DOCK1: variants seen among roughly 807,000 people sequenced by gnomAD.
The protein encoded by DOCK1 is dedicator of cytokinesis protein 1.
In DOCK1, 138 loss-of-function variants were observed where a neutral mutation model predicts 262.7. The observed-to-expected ratio is 0.53, with a 90% CI of 0.46 to 0.61. DOCK1 has a LOEUF of 0.61. Ranked by LOEUF, DOCK1 falls within the 20% of genes least tolerant of loss-of-function variation. DOCK1 has a pLI of 0.00. For synonymous variants in DOCK1, 866 were observed against 867.4 expected, an observed-to-expected ratio of 1.00 and a Z score of 0.03; for missense variants, 1,908 against 2,370.7, an observed-to-expected ratio of 0.80 and a Z score of 4.05.
chr10:127,125,363 G>C, intron 25 of DOCK1, 111 bp from the exon 26 acceptor site: 2 of 1,477,248 alleles, frequency 1.4e-6, no homozygotes, highest in Non-Finnish European at 1.8e-6. Flanking sequence ...TCAGTTCCAC[G>C]TGTTGCACAA....
At chr10:127,264,410 T>C (rs2060281937) in intron 29 of DOCK1, among the ~76,000 whole-genome samples, 2 of 152,328 alleles carry the variant, frequency 1.3e-5, no homozygotes, top group East Asian at 3.9e-4. Context: ...CTACGGGAAA[T>C]AATGATTAGT....
At chr10:127,137,449 T>TA (rs902240092) in intron 27 of DOCK1, 84 of 160,116 alleles carry the variant, frequency 5.2e-4, no homozygotes, top group Non-Finnish European at 7.8e-4. Flanking sequence ...TCTCATTATT[T>TA]AAAAAAAAAA....
At chr10:127,198,739 C>T (rs528405175) in intron 27 of DOCK1, among the ~76,000 whole-genome samples, 53 of 85,560 alleles carry the variant, frequency 6.2e-4, no homozygotes, top group Non-Finnish European at 1.2e-3. Flanking sequence ...TCATTGGCAT[C>T]GCTTCTTTTT....
intron 43 of DOCK1, among the ~76,000 whole-genome samples, chr10:127,412,101 T>C (rs914977130): frequency 1.5e-4 from 23 of 151,828 alleles, no homozygotes; most frequent in African/African-American, 5.3e-4. Flanking sequence ...TAGCTGGGAC[T>C]ACAGGTGCCC....
intron 27 of DOCK1, among the ~76,000 whole-genome samples, chr10:127,224,635 A>G (rs2058569318): frequency 6.6e-6 from 1 of 151,846 alleles, no homozygotes; most frequent in Admixed American, 6.6e-5. Flanking sequence ...TAGGAGGATC[A>G]CTTGAACCCA....
At chr10:127,186,953 C>A (rs2056329638) in intron 27 of DOCK1, among the ~76,000 whole-genome samples, 2 of 152,156 alleles carry the variant, frequency 1.3e-5, no homozygotes, top group Admixed American at 1.3e-4. Context: ...TTCCTTGAAT[C>A]AGGCACATAG....
At position 127,039,572 on chromosome 10, in the gene DOCK1, C is replaced by A. The variant is rs892815686; in HGVS notation, c.2010+1756C>A. On this transcript the variant is annotated intron_variant, in intron 19 of 51. Transcript: ENST00000623213. ...GCCTGGGTGACCTGTCCAGCCCTTA[C>A]CTACCTTGCCTAACTTTGTGCTTTT... 2.0e-5 allele frequency among the ~76,000 whole-genome samples: 3 copies of A among 152,298 alleles called. No homozygotes were observed. In the East Asian group the frequency reaches 5.8e-4, roughly 29 times the overall value.
chr10:127,435,411 G>A (rs1242918620), intron 48 of DOCK1, among the ~76,000 whole-genome samples: 4 of 152,178 alleles, frequency 2.6e-5, no homozygotes, highest in Non-Finnish European at 5.9e-5. Context: ...TGATGTGCCC[G>A]ATGGAGAATT....
chr10:127,266,362 A>G (rs769487463), intron 29 of DOCK1, among the ~76,000 whole-genome samples: 1 of 151,994 alleles, frequency 6.6e-6, no homozygotes, highest in Non-Finnish European at 1.5e-5. Flanking sequence ...TTGGCTTACT[A>G]TTGAGGTTTT....
At chr10:127,076,721 T>C (rs1197173843) in intron 23 of DOCK1, among the ~76,000 whole-genome samples, 1 of 152,102 alleles carries the variant, frequency 6.6e-6, no homozygotes, top group Non-Finnish European at 1.5e-5. Context: ...AGCTGCTCCA[T>C]TGAAACCCAA....
intron 31 of DOCK1, among the ~76,000 whole-genome samples, chr10:127,354,066 T>A (rs2133867344): frequency 6.6e-6 from 1 of 152,328 alleles, no homozygotes; most frequent in East Asian, 1.9e-4. Flanking sequence ...AGGTTTATCT[T>A]CTGGAGCATC....
intron 29 of DOCK1, among the ~76,000 whole-genome samples, chr10:127,329,112 ACT>A (rs1222350805): frequency 1.3e-5 from 2 of 151,792 alleles, no homozygotes; most frequent in African/African-American, 4.8e-5. Flanking sequence ...CCAAGCAGAA[ACT>A]CTCAACTCCC....
At chr10:127,253,529 C>T (rs978330256) in intron 28 of DOCK1, among the ~76,000 whole-genome samples, 3 of 152,150 alleles carry the variant, frequency 2.0e-5, no homozygotes, top group Non-Finnish European at 4.4e-5. Context: ...TACTTATTCT[C>T]TTTCCACTGT....
rs982911946 is a variant in DOCK1, at chr10:126,957,037, G to A, written c.47-13665G>A. Among the ~76,000 whole-genome samples, 3 of 152,176 alleles carry A rather than the reference G, an allele frequency of 2.0e-5. No individual in the cohort carries two copies. In the South Asian group the frequency reaches 6.2e-4, roughly 32 times the overall value. ...CTCTCCCTGGGCACAGGCTGCACCC[G>A]ACGGGGGAAAGCGGGGAAGGGGTCT... On this transcript the variant is annotated intron_variant, in intron 1 of 51. Coordinates refer to ENST00000623213, the MANE Select transcript of DOCK1 (RefSeq NM_001290223.2).
At chr10:127,349,426 CTT>C (rs1411279539) in intron 31 of DOCK1, among the ~76,000 whole-genome samples, 1 of 152,152 alleles carries the variant, frequency 6.6e-6, no homozygotes. Flanking sequence ...TCTGCTCTCT[CTT>C]GTCAGATTCC....
intron 29 of DOCK1, among the ~76,000 whole-genome samples, chr10:127,261,296 G>A (rs200887593): frequency 1.5e-4 from 9 of 61,614 alleles, no homozygotes; most frequent in Non-Finnish European, 2.5e-4. Context: ...TGTGCATGTG[G>A]GTGTGTGTGT....
chr10:127,369,199 A>G (rs77871942), intron 33 of DOCK1, among the ~76,000 whole-genome samples: 6,859 of 152,328 alleles, frequency 0.045, 219 homozygotes, highest in Admixed American at 0.077. Context: ...GGAAAGGCCA[A>G]TGTATTTTCC....
In DOCK1 at chr10:127,433,414, A is replaced by G. The variant is rs751645719; in HGVS notation, c.5046A>G (p.Arg1682=). The G allele has an allele frequency of 3.1e-6, 5 of 1,613,860 alleles. No individual in the cohort carries two copies. The highest frequency in any genetic ancestry group is 2.2e-5 in the East Asian group (1 of 44,850). ...SSLSSDSTPS[R]PGSDGFALEP... ...TCTCATCGGACAGCACCCCTTCCAGACCAGGCTCCGACGGGTGAGTCAAGC... is the reference window on the plus strand; with the variant it reads ...TCTCATCGGACAGCACCCCTTCCAGGCCAGGCTCCGACGGGTGAGTCAAGC... Residue 1682 remains arginine (R), a synonymous_variant, in exon 48 of 52, where the codon AGA becomes AGG. Coordinates refer to ENST00000623213, the MANE Select transcript of DOCK1 (RefSeq NM_001290223.2).
At chr10:127,056,901 C>T (rs1184546694) in intron 22 of DOCK1, among the ~76,000 whole-genome samples, 2 of 152,052 alleles carry the variant, frequency 1.3e-5, no homozygotes. Flanking sequence ...AGGAAAAAAC[C>T]CATGCCCTTA....
Sources: allele counts gnomAD v4.1 joint callset (sites outside exome capture counted in the v4.1 genomes callset), GRCh38; gene constraint gnomAD v4.1.1; transcripts MANE v1.5; gene names NCBI Gene and HGNC (gene_info 2026-07-23, HGNC 2026-07-21).